PRDM12: variants seen among roughly 807,000 people sequenced by gnomAD.
PRDM12 encodes PR domain zinc finger protein 12.
PRDM12 carries 17 observed loss-of-function variants against 29.6 expected under a neutral mutation model. The ratio of observed to expected loss-of-function variants is 0.57; its 90% CI spans 0.39 to 0.86. PRDM12 has a LOEUF of 0.86. Among genes scored for constraint, PRDM12 ranks in the 40% least tolerant of loss-of-function variants. The pLI is 0.00. For synonymous variants in PRDM12, 231 were observed against 225.8 expected, an observed-to-expected ratio of 1.02 and a Z score of -0.21; for missense variants, 422 against 510.8, an observed-to-expected ratio of 0.83 and a Z score of 1.68.
chr9:130,664,653 C>T lies in PRDM12; in HGVS notation c.-1C>T. ...CGGCGCCGGGGAGCTCCGGGCCGCC[C>T]ATGATGGGCTCCGTGCTCCCGGCTG... On this transcript the variant is annotated 5_prime_UTR_variant, in exon 1 of 5. Coordinates refer to ENST00000253008, the MANE Select transcript of PRDM12 (RefSeq NM_021619.3). This position sits in a 1 kb window ranked among gnomAD's most constrained non-coding sequence, Gnocchi z 6.4. 1.3e-6 allele frequency: 2 copies of T among 1,582,726 alleles called. No homozygotes were observed. Among genetic ancestry groups the T allele is most frequent in the Non-Finnish European group, 1.7e-6 (2 of 1,168,606 alleles).
At chr9:130,669,144 G>A (rs923227423) in intron 3 of PRDM12, among the ~76,000 whole-genome samples, 2 of 151,840 alleles carry the variant, frequency 1.3e-5, no homozygotes, top group Non-Finnish European at 2.9e-5. Flanking sequence ...TGGCTAACAT[G>A]GTGAAACCCC....
rs375887892 is a variant in PRDM12, at chr9:130,678,565, G to A, written c.607G>A (p.Gly203Arg). 7.7e-5 allele frequency: 124 copies of A among 1,613,622 alleles called. No homozygotes were observed. In the East Asian group the frequency reaches 8.7e-4, roughly 11 times the overall value. ...TGACCAGGAACTGCTGGTGTGGTACGGAAACTCACACAACACCTTCCTGGG... is the reference window on the plus strand; with the variant it reads ...TGACCAGGAACTGCTGGTGTGGTACAGAAACTCACACAACACCTTCCTGGG... ...PPDQELLVWY[G>R]NSHNTFLGIP... Residue 203 changes from glycine to arginine, a missense_variant, in exon 4 of 5, where the codon GGA (glycine) becomes AGA (arginine). Coordinates refer to ENST00000253008, the MANE Select transcript of PRDM12 (RefSeq NM_021619.3).
chr9:130,681,728 G>T lies in PRDM12; in HGVS notation c.*59G>T, dbSNP rs1270334569. On this transcript the variant is annotated 3_prime_UTR_variant, in exon 5 of 5. Transcript: ENST00000253008. This position sits in a 1 kb window ranked among gnomAD's most constrained non-coding sequence, Gnocchi z 8.1. The stretch of plus-strand genomic sequence containing the variant: ...CCTGGGTCCCCGGCACCCCGGCCCC[G>T]CAGCGCGACTCGCCCTCCAGCCCCA... The T allele has an allele frequency of 1.0e-6, 1 of 978,864 alleles. No individual in the cohort carries two copies. Among genetic ancestry groups the T allele is most frequent in the Non-Finnish European group, 1.2e-6 (1 of 825,556 alleles). The allele number at this position is 978,864 out of a possible 1,614,324, so 60.6% of individuals were successfully genotyped here. A position where few individuals can be genotyped will look rare whatever the true frequency, so the allele number is the denominator to read the frequency against.
At chr9:130,672,459 G>C (rs1830797553) in intron 3 of PRDM12, among the ~76,000 whole-genome samples, 1 of 152,208 alleles carries the variant, frequency 6.6e-6, no homozygotes, top group South Asian at 2.1e-4. Context: ...AAAGTGCTGG[G>C]ATTACAGGCG....
Position 130,674,419 on chromosome 9 carries a change from G to C in PRDM12, c.571-4110G>C, listed in dbSNP as rs1006284463. Reference sequence around the variant, plus strand: ...CCACCTCGGCCTCTCAAAATGCTGGGATTACAGGTGAGAGCCACCACACCC... The same window carrying C: ...CCACCTCGGCCTCTCAAAATGCTGGCATTACAGGTGAGAGCCACCACACCC... On this transcript the variant is annotated intron_variant, in intron 3 of 4. Coordinates refer to ENST00000253008, the MANE Select transcript of PRDM12 (RefSeq NM_021619.3). Among the ~76,000 whole-genome samples, 14 of 152,040 alleles carry C rather than the reference G, an allele frequency of 9.2e-5. No individual in the cohort carries two copies. The South Asian group carries it at 1.0e-3, about 11-fold the overall frequency.
intron 3 of PRDM12, among the ~76,000 whole-genome samples, chr9:130,672,471 G>A (rs1830797738): frequency 6.6e-6 from 1 of 152,230 alleles, no homozygotes; most frequent in South Asian, 2.1e-4. Context: ...TTACAGGCGT[G>A]AGCCACTGCA....
chr9:130,681,728 G>A lies in PRDM12; in HGVS notation c.*59G>A. On this transcript the variant is annotated 3_prime_UTR_variant, in exon 5 of 5. Coordinates refer to ENST00000253008, the MANE Select transcript of PRDM12 (RefSeq NM_021619.3). The surrounding 1 kb of genome is among the most constrained non-coding windows in gnomAD (Gnocchi z 8.1). ...CCTGGGTCCCCGGCACCCCGGCCCC[G>A]CAGCGCGACTCGCCCTCCAGCCCCA... The A allele has an allele frequency of 6.1e-6, 6 of 978,862 alleles. No homozygotes were observed. The highest frequency in any genetic ancestry group is 7.3e-6 in the Non-Finnish European group (6 of 825,554). The allele number at this position is 978,862 out of a possible 1,614,324, so 60.6% of individuals were successfully genotyped here. A position where few individuals can be genotyped will look rare whatever the true frequency, so the allele number is the denominator to read the frequency against.
chr9:130,665,135 C>T (rs1248730964), intron 1 of PRDM12, among the ~76,000 whole-genome samples: 1 of 152,258 alleles, frequency 6.6e-6, no homozygotes, highest in Non-Finnish European at 1.5e-5. Flanking sequence ...CCGCCGGCCC[C>T]TCCCTTCCCC....
chr9:130,675,673 C>T (rs934231729), intron 3 of PRDM12, among the ~76,000 whole-genome samples: 31 of 152,212 alleles, frequency 2.0e-4, no homozygotes, highest in African/African-American at 7.2e-4. Flanking sequence ...CTCAGTGAGG[C>T]CATGGCAATG....
At position 130,668,183 on chromosome 9, in the gene PRDM12, G is replaced by A. The variant is rs139807684; in HGVS notation, c.440G>A (p.Arg147His). 156 of 1,614,012 alleles carry A rather than the reference G, an allele frequency of 9.7e-5. No individual in the cohort carries two copies. Among genetic ancestry groups the A allele is most frequent in the Non-Finnish European group, 1.2e-4 (139 of 1,180,034 alleles). The stretch of plus-strand genomic sequence containing the variant: ...GTGTTCAATGAGGATGGCACGGTGC[G>A]CTACTTCATCGATGCCAGCCAGGAG... Reference protein sequence around the residue: ...WEVFNEDGTVRYFIDASQEDH... With the variant: ...WEVFNEDGTVHYFIDASQEDH... Residue 147 changes from arginine to histidine, a missense_variant, in exon 3 of 5, where the codon CGC becomes CAC. Transcript: ENST00000253008. The surrounding 1 kb of genome is among the most constrained non-coding windows in gnomAD (Gnocchi z 4.0).
At chr9:130,666,928 C>T (rs558239503) in intron 2 of PRDM12, 130 bp downstream of exon 2, 1 of 1,267,572 alleles carries the variant, frequency 7.9e-7, no homozygotes, top group African/African-American at 1.6e-5. Context: ...CCTGGACGCC[C>T]CCTGAGCCGG....
chr9:130,676,200 CA>C (rs930697240), intron 3 of PRDM12, among the ~76,000 whole-genome samples: 2 of 150,880 alleles, frequency 1.3e-5, no homozygotes, highest in Middle Eastern at 3.4e-3. Context: ...ATGTAAAAAA[CA>C]AAAAAAAAGC....
rs1333110401 is a variant in PRDM12 at position 130,681,278 on chromosome 9, GC to G, written c.717del (p.Ala240ArgfsTer228). Reference protein sequence around the residue: ...EDFHPADSAAGPAGRMRCVIC... With the variant: ...EDFHPADSAAXPAGRMRCVIC... ...TTCCACCCGGCGGACTCGGCGGCTG[GC>G]CCCGCGGGCCGCATGCGATGCGTCA... On this transcript the variant is annotated frameshift_variant, in exon 5 of 5. Coordinates refer to ENST00000253008, the MANE Select transcript of PRDM12 (RefSeq NM_021619.3). LOFTEE classifies it high-confidence loss of function. This position sits in a 1 kb window ranked among gnomAD's most constrained non-coding sequence, Gnocchi z 8.1. 2 of 1,481,528 alleles carry G rather than the reference GC, an allele frequency of 1.3e-6. No individual in the cohort carries two copies. The allele number at this position is 1,481,528 out of a possible 1,614,324, so 91.8% of individuals were successfully genotyped here.
chr9:130,668,130 A>T lies in PRDM12; in HGVS notation c.415-28A>T, dbSNP rs1350427085. ...GGTACACATGGCATAGCCCTGCCTT[A>T]CCTGGTCCTTGATCCATCTGTGCCC... On this transcript the variant is annotated intron_variant, in intron 2 of 4. Coordinates refer to ENST00000253008, the MANE Select transcript of PRDM12 (RefSeq NM_021619.3). This position sits in a 1 kb window ranked among gnomAD's most constrained non-coding sequence, Gnocchi z 4.0. 1 of 1,612,844 alleles carries T rather than the reference A, an allele frequency of 6.2e-7. No homozygotes were observed. The highest frequency in any genetic ancestry group is 8.5e-7 in the Non-Finnish European group (1 of 1,179,254).
chr9:130,675,747 G>A (rs977343730), intron 3 of PRDM12, among the ~76,000 whole-genome samples: 85 of 152,360 alleles, frequency 5.6e-4, no homozygotes, highest in African/African-American at 2.0e-3. Flanking sequence ...CAGATGGGGA[G>A]CCCTAGTGGA....
At position 130,681,160 on chromosome 9, in the gene PRDM12, G is replaced by A; in HGVS notation, c.683-88G>A. On this transcript the variant is annotated intron_variant, in intron 4 of 4. Coordinates refer to ENST00000253008, the MANE Select transcript of PRDM12 (RefSeq NM_021619.3). The surrounding 1 kb of genome is among the most constrained non-coding windows in gnomAD (Gnocchi z 8.1). ...CGGCCCCGGGCTGGGGGCGCTGAGG[G>A]CCCGGGCTGCGGGGCGCCGGTTCTA... The A allele has an allele frequency of 7.8e-7, 1 of 1,282,248 alleles. No homozygotes were observed. The highest frequency in any genetic ancestry group is 1.0e-6 in the Non-Finnish European group (1 of 995,608). The allele number at this position is 1,282,248 out of a possible 1,614,324, so 79.4% of individuals were successfully genotyped here. A position where few individuals can be genotyped will look rare whatever the true frequency, so the allele number is the denominator to read the frequency against.
intron 4 of PRDM12, among the ~76,000 whole-genome samples, chr9:130,680,277 C>G (rs1830881638): frequency 6.6e-6 from 1 of 151,994 alleles, no homozygotes; most frequent in Admixed American, 6.6e-5. Context: ...GTCGAGGCTA[C>G]AGTGAGCTGA....
At chr9:130,672,024 G>C (rs1029235782) in intron 3 of PRDM12, among the ~76,000 whole-genome samples, 1 of 152,192 alleles carries the variant, frequency 6.6e-6, no homozygotes, top group South Asian at 2.1e-4. Flanking sequence ...TGGAGGTTCC[G>C]CAGCAGGGCG....
At chr9:130,674,427 G>A (rs1588187168) in intron 3 of PRDM12, among the ~76,000 whole-genome samples, 1 of 151,928 alleles carries the variant, frequency 6.6e-6, no homozygotes, top group East Asian at 1.9e-4. Flanking sequence ...GGGATTACAG[G>A]TGAGAGCCAC....
Sources: allele counts gnomAD v4.1 joint callset (sites outside exome capture counted in the v4.1 genomes callset), GRCh38; gene constraint gnomAD v4.1.1; non-coding constraint Gnocchi (gnomAD v3.1); transcripts MANE v1.5; gene names NCBI Gene and HGNC (gene_info 2026-07-23, HGNC 2026-07-21).